The following PAFAH1B1 variants were observed in gnomAD, a reference collection of about 807,000 sequenced individuals.
The protein encoded by PAFAH1B1 is platelet activating factor acetylhydrolase 1b regulatory subunit 1.
In PAFAH1B1, 2 loss-of-function variants were observed where a neutral mutation model predicts 57.5. The observed-to-expected ratio is 0.03, with a 90% confidence interval of 0.01 to 0.11. PAFAH1B1 has a LOEUF of 0.11. PAFAH1B1 is among the 10% of genes least tolerant of loss of function. The pLI is 1.00. For synonymous variants in PAFAH1B1, 152 were observed against 169.6 expected, an observed-to-expected ratio of 0.90 and a Z score of 0.81; for missense variants, 257 against 512.0, an observed-to-expected ratio of 0.50 and a Z score of 4.81.
chr17:2,644,399 C>T (rs910684914), intron 2 of PAFAH1B1, among the ~76,000 whole-genome samples: 28 of 151,986 alleles, frequency 1.8e-4, no homozygotes, highest in African/African-American at 5.3e-4. Context: ...AAAAATGAGC[C>T]GGGCGTGGTG....
At chr17:2,671,263 C>T (rs943186529) in intron 6 of PAFAH1B1, among the ~76,000 whole-genome samples, 4 of 151,954 alleles carry the variant, frequency 2.6e-5, no homozygotes, top group Non-Finnish European at 4.4e-5. Flanking sequence ...GGCTGGAGTG[C>T]AGTGGCACAA....
At position 2,648,707 on chromosome 17, in the gene PAFAH1B1, T is replaced by C. The variant is rs540325947; in HGVS notation, c.32+10387T>C. 6.0e-5 allele frequency among the ~76,000 whole-genome samples: 9 copies of C among 149,218 alleles called. No individual in the cohort carries two copies. In the East Asian group the frequency reaches 1.8e-3, roughly 30 times the overall value. ...AAAAAAAAAAAAGTGAAACACCATA[T>C]GATTAACCCAAAATATAGAAAATGG... On this transcript the variant is annotated intron_variant, in intron 2 of 10. Transcript: ENST00000397195.
chr17:2,607,400 C>T (rs1035633970), intron 1 of PAFAH1B1, among the ~76,000 whole-genome samples: 10 of 150,408 alleles, frequency 6.6e-5, no homozygotes, highest in African/African-American at 2.2e-4. Context: ...TGGTCTCCAT[C>T]TCCTGACCTC....
At chr17:2,628,899 A>G (rs1034150028) in intron 1 of PAFAH1B1, among the ~76,000 whole-genome samples, 1 of 152,136 alleles carries the variant, frequency 6.6e-6, no homozygotes, top group Admixed American at 6.6e-5. Context: ...GTAGCCTTGA[A>G]TGATCTTTTG....
intron 1 of PAFAH1B1, among the ~76,000 whole-genome samples, chr17:2,624,288 G>C (rs1475992037): frequency 2.6e-5 from 4 of 152,110 alleles, no homozygotes; most frequent in African/African-American, 4.8e-5. Context: ...CCTCCAAACT[G>C]TTCCAAACTC....
intron 9 of PAFAH1B1, among the ~76,000 whole-genome samples, chr17:2,678,400 CAAA>C (rs11394999): frequency 1.2e-5 from 1 of 81,018 alleles, no homozygotes; most frequent in Admixed American, 1.2e-4. Context: ...GAAACCATCT[CAAA>C]AAAAAAAAAA....
intron 1 of PAFAH1B1, among the ~76,000 whole-genome samples, chr17:2,625,214 T>C (rs2068473951): frequency 6.6e-6 from 1 of 152,210 alleles, no homozygotes; most frequent in Non-Finnish European, 1.5e-5. Flanking sequence ...TAAGCAACAG[T>C]GTCCTTGATA....
At chr17:2,629,364 A>G (rs1173906468) in intron 1 of PAFAH1B1, among the ~76,000 whole-genome samples, 1 of 152,198 alleles carries the variant, frequency 6.6e-6, no homozygotes, top group Admixed American at 6.5e-5. Context: ...GTGCTCATTC[A>G]GGAACAGGTT....
Position 2,685,314 on chromosome 17 carries a change from A to G in PAFAH1B1, c.*3512A>G, listed in dbSNP as rs1296695883. 1 of 152,656 alleles carries G rather than the reference A, an allele frequency of 6.6e-6. No individual in the cohort carries two copies. Among genetic ancestry groups the G allele is most frequent in the East Asian group, 1.9e-4 (1 of 5,196 alleles). The allele number at this position is 152,656 out of a possible 1,614,324, so 9.5% of individuals were successfully genotyped here. A position where few individuals can be genotyped will look rare whatever the true frequency, so the allele number is the denominator to read the frequency against. On this transcript the variant is annotated 3_prime_UTR_variant, in exon 11 of 11. Transcript: ENST00000397195. ...AAAGCTCACTCTGAAGATGTTAGAG[A>G]CAAACACAAACTCTTCGAGTTAAAG...
chr17:2,670,062 T>TAA, intron 5 of PAFAH1B1, 101 bp from the exon 6 acceptor site: 1 of 897,868 alleles, frequency 1.1e-6, no homozygotes, highest in Non-Finnish European at 1.9e-6. Context: ...CTTGTTCGGT[T>TAA]AGTTACTCAG....
intron 2 of PAFAH1B1, among the ~76,000 whole-genome samples, chr17:2,652,469 A>G (rs2068875634): frequency 6.6e-6 from 1 of 152,232 alleles, no homozygotes. Context: ...CATGACTGTG[A>G]TATATTTTTA....
At chr17:2,607,241 T>C (rs1289594641) in intron 1 of PAFAH1B1, among the ~76,000 whole-genome samples, 1 of 152,048 alleles carries the variant, frequency 6.6e-6, no homozygotes, top group African/African-American at 2.4e-5. Flanking sequence ...TGGTGTAATA[T>C]CCGCTCACTG....
chr17:2,610,092 C>T (rs1211500944), intron 1 of PAFAH1B1, among the ~76,000 whole-genome samples: 1 of 152,222 alleles, frequency 6.6e-6, no homozygotes, highest in Non-Finnish European at 1.5e-5. Context: ...CCAAAGTGGT[C>T]AGATTACTGG....
At chr17:2,661,596 G>A (rs1343221609) in intron 2 of PAFAH1B1, among the ~76,000 whole-genome samples, 10 of 152,036 alleles carry the variant, frequency 6.6e-5, no homozygotes, top group Admixed American at 2.0e-4. Context: ...CAGGTAGTAC[G>A]TGTGATGCCT....
intron 2 of PAFAH1B1, 81 bp downstream of exon 2, chr17:2,638,401 G>T: frequency 8.9e-7 from 1 of 1,129,330 alleles, no homozygotes; most frequent in Non-Finnish European, 1.3e-6. Flanking sequence ...GCTTTGGGAG[G>T]TCTCTTCTAA....
At chr17:2,623,029 A>G (rs1175267486) in intron 1 of PAFAH1B1, among the ~76,000 whole-genome samples, 1 of 152,166 alleles carries the variant, frequency 6.6e-6, no homozygotes, top group Admixed American at 6.5e-5. Flanking sequence ...GACACAGGGT[A>G]CCAAGTCCCT....
intron 1 of PAFAH1B1, among the ~76,000 whole-genome samples, chr17:2,601,955 A>G (rs999780821): frequency 5.3e-5 from 8 of 152,362 alleles, no homozygotes; most frequent in African/African-American, 1.9e-4. Flanking sequence ...AAAGGGATCA[A>G]TAAGTAATGA....
chr17:2,594,133 T>TGCC, intron 1 of PAFAH1B1, 127 bp downstream of exon 1: 1 of 382,488 alleles, frequency 2.6e-6, no homozygotes, highest in Admixed American at 4.5e-5. Context: ...CCCCTCCCCC[T>TGCC]GCCTCCGCCG....
At chr17:2,639,142 C>T (rs1442759355) in intron 2 of PAFAH1B1, among the ~76,000 whole-genome samples, 4 of 152,056 alleles carry the variant, frequency 2.6e-5, no homozygotes, top group Non-Finnish European at 4.4e-5. Context: ...TCGTGATCCG[C>T]CTGCCTCGGC....
Sources: gnomAD v4.1 joint callset for allele counts (sites outside exome capture counted in the v4.1 genomes callset) on GRCh38, gnomAD v4.1.1 for gene constraint, MANE v1.5 for transcripts, NCBI Gene and HGNC (gene_info 2026-07-23, HGNC 2026-07-21) for gene names.